DMD: variants seen among roughly 807,000 people sequenced by gnomAD.
The protein encoded by DMD is mutant dystrophin.
In DMD, 63 loss-of-function variants were observed where a neutral mutation model predicts 330.1. The observed-to-expected ratio is 0.19, with a 90% CI of 0.16 to 0.24. DMD has a LOEUF of 0.24. Among genes scored for constraint, DMD ranks in the 10% least tolerant of loss-of-function variants. The pLI, the probability that DMD is intolerant of heterozygous loss-of-function variation, is 1.00. For synonymous variants in DMD, 1,223 were observed against 959.8 expected, an observed-to-expected ratio of 1.27 and a Z score of -5.07; for missense variants, 3,344 against 2,684.1, an observed-to-expected ratio of 1.25 and a Z score of -5.43.
intron 2 of DMD, among the ~76,000 whole-genome samples, chrX:32,986,111 G>C: frequency 9.0e-6 from 1 of 111,661 alleles, no homozygotes; most frequent in East Asian, 2.8e-4. Flanking sequence ...ATTTTAATGA[G>C]AAAAGTGAAA....
intron 4 of DMD, among the ~76,000 whole-genome samples, chrX:32,839,868 G>A (rs1020347565): frequency 7.2e-5 from 8 of 110,744 alleles, no homozygotes; most frequent in Admixed American, 2.9e-4. Flanking sequence ...ACACCACCAC[G>A]CTCAGCTAAT....
chrX:31,762,754 T>C (rs988669679), intron 51 of DMD, among the ~76,000 whole-genome samples: 3 of 111,028 alleles, frequency 2.7e-5, no homozygotes, highest in Admixed American at 1.9e-4. Context: ...GTAGTGAGAA[T>C]GCTGTCACGC....
intron 42 of DMD, among the ~76,000 whole-genome samples, chrX:32,307,411 A>T (rs1438908505): frequency 2.7e-5 from 3 of 111,532 alleles, no homozygotes; most frequent in Non-Finnish European, 5.7e-5. Flanking sequence ...GGGATGCAGA[A>T]CTTTAACTAC....
At chrX:33,134,757 A>T (rs1165836496) in intron 1 of DMD, among the ~76,000 whole-genome samples, 5 of 111,812 alleles carry the variant, frequency 4.5e-5, no homozygotes, top group South Asian at 3.7e-4. Flanking sequence ...ATTAATTTTT[A>T]AAAAACTTCA....
At chrX:31,362,794 A>C (rs762544035) in intron 60 of DMD, among the ~76,000 whole-genome samples, 1 of 111,985 alleles carries the variant, frequency 8.9e-6, no homozygotes, top group African/African-American at 3.2e-5. Flanking sequence ...AACACAAAAA[A>C]ATTAAATTAG....
At chrX:32,202,112 G>T (rs1353084926) in intron 44 of DMD, among the ~76,000 whole-genome samples, 1 of 111,183 alleles carries the variant, frequency 9.0e-6, no homozygotes. Flanking sequence ...TTTATGTATT[G>T]AGAGAATTGC....
In DMD at chrX:31,987,519, A is replaced by T. The variant is rs142321564; in HGVS notation, c.6439-19005T>A. 8.3e-3 allele frequency among the ~76,000 whole-genome samples: 931 copies of T among 111,592 alleles called. 12 individuals carry two copies. The highest frequency in any genetic ancestry group is 0.028 in the African/African-American group (863 of 30,645). ...GCTTCTATGAGATCGATGTTTTTAG[A>T]TTGTGCATATGAATGAGAACAAGCT... On this transcript the variant is annotated intron_variant, in intron 44 of 78. Transcript: ENST00000357033.
chrX:32,332,602 A>T (rs1216771534), intron 41 of DMD, among the ~76,000 whole-genome samples: 1 of 110,925 alleles, frequency 9.0e-6, no homozygotes, highest in African/African-American at 3.3e-5. Flanking sequence ...CTGTGAAAGC[A>T]GCAGCAAAGG....
At chrX:32,856,434 T>C (rs1420096609) in intron 2 of DMD, among the ~76,000 whole-genome samples, 2 of 111,098 alleles carry the variant, frequency 1.8e-5, no homozygotes, top group African/African-American at 6.6e-5. Context: ...AATGAATGGA[T>C]AAAGAAAATG....
At chrX:32,517,704 A>T in intron 18 of DMD, 1 of 379,001 alleles carries the variant, frequency 2.6e-6, no homozygotes, top group Non-Finnish European at 4.6e-6. Flanking sequence ...GAGGTAACTG[A>T]ACAATATATG....
At chrX:32,453,748 A>C (rs757196508) in intron 26 of DMD, among the ~76,000 whole-genome samples, 9 of 110,938 alleles carry the variant, frequency 8.1e-5, no homozygotes, top group Non-Finnish European at 1.3e-4. Context: ...ACCCCAATTT[A>C]TACAGTTGGC....
intron 55 of DMD, among the ~76,000 whole-genome samples, chrX:31,508,671 T>G (rs2071187218): frequency 8.9e-6 from 1 of 111,829 alleles, no homozygotes; most frequent in Non-Finnish European, 1.9e-5. Flanking sequence ...AATGGAGGCT[T>G]TGTATATTAT....
chrX:33,339,192 A>G, intron 1 of DMD: 1 of 1,007,732 alleles, frequency 9.9e-7, no homozygotes, highest in South Asian at 1.8e-5. Context: ...GCTTGTTCAA[A>G]CATATGCTTT....
chrX:32,897,942 C>G lies in DMD; in HGVS notation c.94-48122G>C, dbSNP rs1290081774. 2.0e-4 allele frequency among the ~76,000 whole-genome samples: 23 copies of G among 112,254 alleles called. No homozygotes were observed. The Admixed American group carries it at 2.2e-3, about 11-fold the overall frequency. On this transcript the variant is annotated intron_variant, in intron 2 of 78. Coordinates refer to ENST00000357033, the MANE Select transcript of DMD (RefSeq NM_004006.3). ...AATAAAGCATATCCTTGCTAAATAG[C>G]ATCACAAATCCCATATGTAGAATTA... is the stretch of plus-strand genomic sequence containing the variant.
intron 62 of DMD, among the ~76,000 whole-genome samples, chrX:31,268,223 T>A (rs1406740452): frequency 1.8e-5 from 2 of 111,943 alleles, no homozygotes. Context: ...GCTCAACATT[T>A]TTCCCCCTAG....
intron 7 of DMD, among the ~76,000 whole-genome samples, chrX:32,724,885 A>G (rs1485070249): frequency 8.9e-6 from 1 of 111,899 alleles, no homozygotes; most frequent in East Asian, 2.8e-4. Flanking sequence ...GATCTTTAGC[A>G]TTTTTAAACA....
At chrX:32,938,784 T>C (rs2090191044) in intron 2 of DMD, among the ~76,000 whole-genome samples, 1 of 111,514 alleles carries the variant, frequency 9.0e-6, no homozygotes, top group African/African-American at 3.3e-5. Flanking sequence ...CACCAGTTCA[T>C]AGATCAAGTA....
intron 53 of DMD, among the ~76,000 whole-genome samples, chrX:31,668,059 T>C (rs187095157): frequency 1.6e-4 from 18 of 112,126 alleles, no homozygotes; most frequent in African/African-American, 5.5e-4. Context: ...TGGAGATCTA[T>C]ACATCTACTT....
chrX:32,721,862 G>C (rs1270387534), intron 7 of DMD, among the ~76,000 whole-genome samples: 1 of 108,447 alleles, frequency 9.2e-6, no homozygotes. Flanking sequence ...CTTAATTTTT[G>C]TGTACAGTAT....
Sources: allele counts gnomAD v4.1 joint callset (sites outside exome capture counted in the v4.1 genomes callset), GRCh38; gene constraint gnomAD v4.1.1; transcripts MANE v1.5; gene names NCBI Gene and HGNC (gene_info 2026-07-23, HGNC 2026-07-21).